Variants in TLN2 observed in about 807,000 individuals in gnomAD.
The protein encoded by TLN2 is talin 2, also known as talin-2.
Under a neutral mutation model 294.7 loss-of-function variants are expected in TLN2, and 118 were observed. The observed-to-expected ratio is 0.40, with a 90% CI of 0.34 to 0.47. TLN2 has a LOEUF of 0.47. Among genes scored for constraint, TLN2 ranks in the 20% least tolerant of loss-of-function variants. TLN2 has a pLI of 0.84. For synonymous variants in TLN2, 1,431 were observed against 1,304.5 expected (o/e 1.10, Z -2.09); for missense variants, 3,083 against 3,282.2 (o/e 0.94, Z 1.48).
chr15:62,822,870 C>G (rs938220971), intron 54 of TLN2, among the ~76,000 whole-genome samples: 2 of 152,032 alleles, frequency 1.3e-5, no homozygotes, highest in African/African-American at 4.8e-5. Flanking sequence ...AGGGAATGTA[C>G]AAGAATGATG....
chr15:62,615,012 G>A (rs2048201021), intron 2 of TLN2, among the ~76,000 whole-genome samples: 1 of 151,654 alleles, frequency 6.6e-6, no homozygotes, highest in Admixed American at 6.6e-5. Context: ...CACCATGTTG[G>A]CCAGGTTGGT....
In TLN2 at chr15:62,805,632, A is replaced by G. The variant is rs35165676; in HGVS notation, c.6510A>G (p.Thr2170=). The G allele has an allele frequency of 8.8e-4, 1,421 of 1,613,146 alleles. 9 individuals carry two copies. In the African/African-American group the frequency reaches 0.017, roughly 20 times the overall value. Residue 2170 remains threonine, a synonymous_variant, in exon 51 of 59, where the codon ACA becomes ACG. Transcript: ENST00000636159. Reference sequence around the variant, plus strand: ...AGTCAAAAGACGTACCTGAAAAGACATCATCACCTGAAGAATCCATAAGGA... The same window carrying G: ...AGTCAAAAGACGTACCTGAAAAGACGTCATCACCTGAAGAATCCATAAGGA... The part of the protein sequence containing the change: ...VFQSKDVPEK[T]SSPEESIRMT...
chr15:62,833,312 A>T, intron 54 of TLN2, 192 bp from the exon 55 acceptor site: 1 of 786,772 alleles, frequency 1.3e-6, no homozygotes, highest in Non-Finnish European at 2.0e-6. Flanking sequence ...AAACTGACTT[A>T]AGAGTCCTGA....
intron 1 of TLN2, among the ~76,000 whole-genome samples, chr15:62,455,725 C>T (rs377510907): frequency 6.6e-6 from 1 of 152,182 alleles, no homozygotes; most frequent in Admixed American, 6.5e-5. Context: ...TCCTCTAACA[C>T]CCTCTCTCCC....
chr15:62,609,544 C>T (rs1266660459), intron 2 of TLN2, among the ~76,000 whole-genome samples: 3 of 152,150 alleles, frequency 2.0e-5, no homozygotes, highest in Admixed American at 1.3e-4. Flanking sequence ...GGTGAAAGGC[C>T]AGTTATTTTG....
In TLN2 at chr15:62,776,776, C is replaced by A. The variant is rs754151767; in HGVS notation, c.5380C>A (p.His1794Asn). 84 of 1,571,900 alleles carry A rather than the reference C, an allele frequency of 5.3e-5. 3 individuals are homozygous for A. In the South Asian group the frequency reaches 9.3e-4, roughly 17 times the overall value. Residue 1794 changes from histidine (H) to asparagine (N), a missense_variant, in exon 43 of 59, where the codon CAT (histidine) becomes AAT (asparagine). Coordinates refer to ENST00000636159, the MANE Select transcript of TLN2 (RefSeq NM_015059.3). ...GGGNPKAQHT[H>N]DAITEAAQLM... is the part of the protein sequence containing the mutation. ...ATTCCCTTCTCAGGCACAACACACC[C>A]ATGACGCCATCACAGAGGCCGCCCA...
rs368248517 is a variant in TLN2 at position 62,673,836 on chromosome 15, A to G, written c.798A>G (p.Glu266=). 2 of 1,613,148 alleles carry G rather than the reference A, an allele frequency of 1.2e-6. No homozygotes were observed. The highest frequency in any genetic ancestry group is 1.7e-6 in the Non-Finnish European group (2 of 1,179,538). Residue 266 remains glutamate, a synonymous_variant, in exon 10 of 59, where the codon GAA becomes GAG. Transcript: ENST00000636159. ...AATGTCTCTCTCTTAGTCTGAAGGA[A>G]TTCCTGCCCAAAGAATATATCAAGC... is the stretch of plus-strand genomic sequence containing the variant. ...KHKPGFLDLK[E]FLPKEYIKQR...
chr15:62,730,580 A>T (rs1461892987), intron 28 of TLN2, among the ~76,000 whole-genome samples: 1 of 152,290 alleles, frequency 6.6e-6, no homozygotes, highest in Non-Finnish European at 1.5e-5. Flanking sequence ...TTGTCTAAAG[A>T]TGCTTTTGTT....
chr15:62,818,858 TTA>T, intron 52 of TLN2, among the ~76,000 whole-genome samples: 1 of 134,794 alleles, frequency 7.4e-6, no homozygotes, highest in Non-Finnish European at 1.7e-5. Context: ...ATTTATTTAT[TTA>T]TTTATTTATT....
intron 25 of TLN2, among the ~76,000 whole-genome samples, chr15:62,721,421 A>G (rs1438005803): frequency 6.6e-6 from 1 of 152,124 alleles, no homozygotes; most frequent in Non-Finnish European, 1.5e-5. Flanking sequence ...AATGTTAAAC[A>G]TTTTTCATAA....
chr15:62,731,222 A>G lies in TLN2; in HGVS notation c.3358+4033A>G, dbSNP rs1027271236. 4.6e-5 allele frequency among the ~76,000 whole-genome samples: 7 copies of G among 151,736 alleles called. No homozygotes were observed. In the South Asian group the frequency reaches 6.2e-4, roughly 13 times the overall value. On this transcript the variant is annotated intron_variant, in intron 28 of 58. Transcript: ENST00000636159. ...TTCAACATATTTATCACAGTTATTT[A>G]AAGTTGAAATCCAGTATCCTAATAT...
At chr15:62,446,093 G>C (rs1026323714) in intron 1 of TLN2, among the ~76,000 whole-genome samples, 1 of 151,630 alleles carries the variant, frequency 6.6e-6, no homozygotes, top group African/African-American at 2.4e-5. Context: ...TGCAAGCTCC[G>C]CCTCCCGGGT....
At chr15:62,425,750 G>A (rs1459679986) in intron 1 of TLN2, among the ~76,000 whole-genome samples, 1 of 152,198 alleles carries the variant, frequency 6.6e-6, no homozygotes, top group African/African-American at 2.4e-5. Context: ...TAGGTTTGGA[G>A]TTTCAGCCTG....
intron 22 of TLN2, among the ~76,000 whole-genome samples, chr15:62,712,776 A>G (rs2059505771): frequency 1.3e-5 from 2 of 152,162 alleles, no homozygotes; most frequent in African/African-American, 4.8e-5. Context: ...GTTCTTCAGG[A>G]TATTCCGATG....
At position 62,707,232 on chromosome 15, in the gene TLN2, C is replaced by A; in HGVS notation, c.2151C>A (p.Ser717=). ...CCACCCAGTGTGCCCTCTCCACCTC[C>A]CAGCTTGTGGCATGTGCCAAGGTAA... The part of the protein sequence containing the change: ...AAATQCALST[S]QLVACAKVVS... Residue 717 remains serine (S), a synonymous_variant, in exon 20 of 59, where the codon TCC becomes TCA. Coordinates refer to ENST00000636159, the MANE Select transcript of TLN2 (RefSeq NM_015059.3). 1 of 1,612,462 alleles carries A rather than the reference C, an allele frequency of 6.2e-7. No individual in the cohort carries two copies. Among genetic ancestry groups the A allele is most frequent in the Non-Finnish European group, 8.5e-7 (1 of 1,178,872 alleles).
rs112875472 is a variant in TLN2, at chr15:62,765,981, G to C, written c.5095-340G>C. Among the ~76,000 whole-genome samples, 80 of 152,346 alleles carry C rather than the reference G, an allele frequency of 5.3e-4. 2 individuals carry two copies. Among genetic ancestry groups the C allele is most frequent in the African/African-American group, 1.9e-3 (77 of 41,574 alleles). ...CTCCATTATCTGCCTGCATTTGGAA[G>C]AAGTTGTCGTTCCTTCTTGGAAAGC... On this transcript the variant is annotated intron_variant, in intron 40 of 58. Transcript: ENST00000636159.
At chr15:62,672,138 T>A (rs927058045) in intron 9 of TLN2, among the ~76,000 whole-genome samples, 4 of 152,216 alleles carry the variant, frequency 2.6e-5, no homozygotes, top group African/African-American at 9.6e-5. Flanking sequence ...TGATCTATCA[T>A]TTATTTCAGT....
At chr15:62,748,207 G>A in intron 32 of TLN2, 144 bp from the exon 33 acceptor site, 1 of 634,188 alleles carries the variant, frequency 1.6e-6, no homozygotes, top group Non-Finnish European at 2.7e-6. Context: ...ATTTTTGGTT[G>A]TGTAGAGCCT....
chr15:62,715,440 A>T (rs1016337848), intron 22 of TLN2, among the ~76,000 whole-genome samples: 3 of 152,232 alleles, frequency 2.0e-5, no homozygotes, highest in Admixed American at 1.3e-4. Context: ...CTTGATTGCT[A>T]CTGTTATAGT....
Sources: gnomAD v4.1 joint callset for allele counts (sites outside exome capture counted in the v4.1 genomes callset) on GRCh38, gnomAD v4.1.1 for gene constraint, MANE v1.5 for transcripts, NCBI Gene and HGNC (gene_info 2026-07-23, HGNC 2026-07-21) for gene names.